EPHB4: variants seen among roughly 807,000 people sequenced by gnomAD.
EPHB4 encodes the protein EPH receptor B4.
A neutral mutation model predicts 110.6 loss-of-function variants in EPHB4; 50 were observed. The observed-to-expected ratio is 0.45, with a 90% CI of 0.36 to 0.57. The LOEUF (loss-of-function observed/expected upper bound fraction) is 0.57. Among genes scored for constraint, EPHB4 ranks in the 20% least tolerant of loss-of-function variants. EPHB4 has a pLI of 0.00. For synonymous variants in EPHB4, 592 were observed against 578.4 expected (o/e 1.02, Z -0.34); for missense variants, 1,128 against 1,382.1 (o/e 0.82, Z 2.91).
Position 100,822,264 on chromosome 7 carries a change from C to G in EPHB4, c.808+7G>C. 2.6e-6 allele frequency: 4 copies of G among 1,555,714 alleles called. No homozygotes were observed. The highest frequency in any genetic ancestry group is 3.5e-6 in the Non-Finnish European group (4 of 1,149,658). ...GCAGCAGTCGCAGGGGAAGCTCCAG[C>G]TCTCACCTCGGCACTTGGTGTTCCC... On this transcript the variant is annotated splice_region_variant and intron_variant, in intron 4 of 16. Coordinates refer to ENST00000358173, the MANE Select transcript of EPHB4 (RefSeq NM_004444.5). This position sits in a 1 kb window ranked among gnomAD's most constrained non-coding sequence, Gnocchi z 4.7.
rs972929219 is a variant in EPHB4, at chr7:100,802,589, ATTTTC to A, written c.*867_*871del. The A allele has an allele frequency of 3.3e-5, 5 of 152,024 alleles. No individual in the cohort carries two copies. The highest frequency in any genetic ancestry group is 1.2e-4 in the African/African-American group (5 of 41,378). 9.4% of individuals were successfully genotyped at this position (152,024 alleles called of 1,614,324 possible). On this transcript the variant is annotated 3_prime_UTR_variant, in exon 17 of 17. Transcript: ENST00000358173. ...CACCCCTGGAGCTGGGACACGTCCC[ATTTTC>A]TTTTATTTATACAAAAAGTTACTTT...
At chr7:100,807,630 TC>T in intron 12 of EPHB4, 50 bp from the exon 13 acceptor site, 1 of 1,558,182 alleles carries the variant, frequency 6.4e-7, no homozygotes. Flanking sequence ...CACCCACCGT[TC>T]CCCCTCCCAT....
rs1167156009 is a variant in EPHB4, at chr7:100,824,042, G to A, written c.124-111C>T. 6 of 1,510,118 alleles carry A rather than the reference G, an allele frequency of 4.0e-6. No homozygotes were observed. In the African/African-American group the frequency reaches 8.3e-5, roughly 21 times the overall value. The allele number at this position is 1,510,118 out of a possible 1,614,324, so 93.5% of individuals were successfully genotyped here. A position where few individuals can be genotyped will look rare whatever the true frequency, so the allele number is the denominator to read the frequency against. Reference sequence around the variant, plus strand: ...CTGAGAAAGGGGGGCTGCTGGTACTGCGAGGAGGGCGCCTCTGAGAAGGGC... The same window carrying A: ...CTGAGAAAGGGGGGCTGCTGGTACTACGAGGAGGGCGCCTCTGAGAAGGGC... On this transcript the variant is annotated intron_variant, in intron 2 of 16. Coordinates refer to ENST00000358173, the MANE Select transcript of EPHB4 (RefSeq NM_004444.5).
intron 16 of EPHB4, 115 bp from the exon 17 acceptor site, chr7:100,803,705 G>T: frequency 7.7e-7 from 1 of 1,306,732 alleles, no homozygotes; most frequent in South Asian, 2.0e-5. Flanking sequence ...AAAAGCCAGC[G>T]GGGGAGGGAG....
intron 12 of EPHB4, among the ~76,000 whole-genome samples, chr7:100,810,160 G>C (rs1209031386): frequency 6.6e-6 from 1 of 152,168 alleles, no homozygotes; most frequent in Non-Finnish European, 1.5e-5. Context: ...TGAGGCAGAA[G>C]AATCTCTTGA....
intron 12 of EPHB4, 123 bp from the exon 13 acceptor site, chr7:100,807,703 G>C (rs113474530): frequency 4.2e-6 from 4 of 950,904 alleles, no homozygotes. Flanking sequence ...GTGCAGTGGT[G>C]CCATCATAGC....
chr7:100,823,868 C>G lies in EPHB4; in HGVS notation c.187G>C (p.Val63Leu), dbSNP rs752453773. The change falls in exon 3 of 17, where the codon GTG (valine) becomes CTG (leucine). Residue 63 changes from valine to leucine, a missense_variant. Physicochemically the swap from Val to Leu is conservative, Grantham distance 32. This residue lies in a region of EPHB4 where 728 missense variants were observed against 828.6 expected (regional missense o/e 0.88). Coordinates refer to ENST00000358173, the MANE Select transcript of EPHB4 (RefSeq NM_004444.5). ...TGGGCCTGGCCCGGGGCACGCTGCACGTCACACACTTCGTAGGTGCGCACG... is the reference window on the plus strand; with the variant it reads ...TGGGCCTGGCCCGGGGCACGCTGCAGGTCACACACTTCGTAGGTGCGCACG... ...HSVRTYEVCDVQRAPGQAHWL... is the reference protein window; with the variant it reads ...HSVRTYEVCDLQRAPGQAHWL... 3.3e-5 allele frequency: 53 copies of G among 1,612,012 alleles called. No individual in the cohort carries two copies. Among genetic ancestry groups the G allele is most frequent in the Admixed American group, 8.4e-5 (5 of 59,810 alleles).
At chr7:100,804,919 G>C (rs957627418) in intron 16 of EPHB4, among the ~76,000 whole-genome samples, 1 of 152,230 alleles carries the variant, frequency 6.6e-6, no homozygotes, top group African/African-American at 2.4e-5. Flanking sequence ...AGGCGGAAGC[G>C]CGATGGCCCA....
intron 14 of EPHB4, 45 bp downstream of exon 14, chr7:100,806,375 G>A: frequency 6.3e-7 from 1 of 1,579,824 alleles, no homozygotes; most frequent in Non-Finnish European, 8.6e-7. Flanking sequence ...AATCCCAGGT[G>A]AGAGAACACT....
At chr7:100,818,883 A>G (rs919250641) in intron 6 of EPHB4, among the ~76,000 whole-genome samples, 8 of 152,054 alleles carry the variant, frequency 5.3e-5, no homozygotes, top group Admixed American at 3.9e-4. Context: ...TTTAGTAGAC[A>G]TGGGGTTTCA....
At chr7:100,817,391 C>G (rs200180829) in intron 7 of EPHB4, 34 bp from the exon 8 acceptor site, 2 of 1,513,738 alleles carry the variant, frequency 1.3e-6, no homozygotes, top group Admixed American at 4.5e-5. Flanking sequence ...GGCCGTCACC[C>G]GGGAACCCAA....
Position 100,807,460 on chromosome 7 carries a change from G to C in EPHB4, c.2239C>G (p.Leu747Val), listed in dbSNP as rs777880397. ...TTGCAGACGAGGTTGCTGTTGACTAGGATGTTGCGAGCAGCCAGGTCTCGG... is the reference window on the plus strand; with the variant it reads ...TTGCAGACGAGGTTGCTGTTGACTACGATGTTGCGAGCAGCCAGGTCTCGG... Reference protein sequence around the residue: ...VHRDLAARNILVNSNLVCKVS... With the variant: ...VHRDLAARNIVVNSNLVCKVS... Residue 747 changes from leucine (L) to valine (V), a missense_variant, in exon 13 of 17, where the codon CTA becomes GTA. Transcript: ENST00000358173. 3.1e-6 allele frequency: 5 copies of C among 1,613,962 alleles called. No individual in the cohort carries two copies. Among genetic ancestry groups the C allele is most frequent in the Non-Finnish European group, 4.2e-6 (5 of 1,180,024 alleles).
intron 16 of EPHB4, among the ~76,000 whole-genome samples, chr7:100,803,960 G>A (rs549422770): frequency 6.6e-6 from 1 of 152,294 alleles, no homozygotes; most frequent in African/African-American, 2.4e-5. Flanking sequence ...GCTGGGTGGA[G>A]AGGAAGAGGA....
At chr7:100,803,706 G>T in intron 16 of EPHB4, 116 bp from the exon 17 acceptor site, 1 of 1,310,176 alleles carries the variant, frequency 7.6e-7, no homozygotes, top group South Asian at 2.0e-5. Flanking sequence ...AAAGCCAGCG[G>T]GGGAGGGAGA....
intron 1 of EPHB4, 191 bp downstream of exon 1, chr7:100,826,783 CAAAAG>C (rs1386185859): frequency 3.5e-6 from 2 of 564,656 alleles, no homozygotes; most frequent in Non-Finnish European, 3.0e-6. Context: ...CTTTCCCAAA[CAAAAG>C]AAAACTCCAC....
chr7:100,802,976 G>A lies in EPHB4; in HGVS notation c.*485C>T, dbSNP rs1456716289. 3 of 152,780 alleles carry A rather than the reference G, an allele frequency of 2.0e-5. No individual in the cohort carries two copies. Among genetic ancestry groups the A allele is most frequent in the African/African-American group, 7.2e-5 (3 of 41,494 alleles). The allele number at this position is 152,780 out of a possible 1,614,324, so 9.5% of individuals were successfully genotyped here. A position where few individuals can be genotyped will look rare whatever the true frequency, so the allele number is the denominator to read the frequency against. On this transcript the variant is annotated 3_prime_UTR_variant, in exon 17 of 17. Transcript: ENST00000358173. The stretch of plus-strand genomic sequence containing the variant: ...CAATATGAAGGCAGCAGCTGGGGGA[G>A]GGGCATTTACAAGGGAAAAAAATGA...
At chr7:100,825,104 T>C (rs1217284664) in intron 1 of EPHB4, 1 of 126,718 alleles carries the variant, frequency 7.9e-6, no homozygotes, top group Non-Finnish European at 1.7e-5. Flanking sequence ...GGGCCGGCAA[T>C]GTGGGGGGCA....
At chr7:100,807,304 C>G (rs944957565) in intron 13 of EPHB4, 61 bp downstream of exon 13, 18 of 1,570,610 alleles carry the variant, frequency 1.1e-5, no homozygotes, top group Non-Finnish European at 1.6e-5. Flanking sequence ...TCCCACCTTT[C>G]CAACCTGCCC....
intron 12 of EPHB4, among the ~76,000 whole-genome samples, chr7:100,807,999 C>A (rs1376591887): frequency 1.3e-5 from 2 of 152,150 alleles, no homozygotes; most frequent in African/African-American, 4.8e-5. Context: ...AGGGCAAGCC[C>A]CCCAACTCCC....
Sources: gnomAD v4.1 joint callset for allele counts (sites outside exome capture counted in the v4.1 genomes callset) on GRCh38, gnomAD v4.1.1 for gene constraint, gnomAD v4.1.1 regional missense constraint, Gnocchi (gnomAD v3.1) non-coding constraint, MANE v1.5 for transcripts, NCBI Gene and HGNC (gene_info 2026-07-23, HGNC 2026-07-21) for gene names.